TBC1D32: variants seen among roughly 807,000 people sequenced by gnomAD.
TBC1D32 encodes the protein TBC1 domain family member 32, also known as protein broad-minded.
In TBC1D32, 151 loss-of-function variants were observed where a neutral mutation model predicts 170.3. That is an observed-to-expected ratio of 0.89 (90% CI 0.78 to 1.01). The LOEUF is 1.01. TBC1D32 is among the 50% of genes least tolerant of loss of function. TBC1D32 has a pLI of 0.00. For missense variants in TBC1D32, 1,464 were observed against 1,457.1 expected (o/e 1.00, Z -0.08); for synonymous variants, 498 against 488.0 (o/e 1.02, Z -0.27).
intron 22 of TBC1D32, among the ~76,000 whole-genome samples, chr6:121,182,335 A>G (rs1788635282): frequency 6.6e-6 from 1 of 152,146 alleles, no homozygotes; most frequent in East Asian, 1.9e-4. Flanking sequence ...GTGTTATGCT[A>G]GGGTAGGTAA....
intron 26 of TBC1D32, among the ~76,000 whole-genome samples, chr6:121,125,897 C>A (rs1780784312): frequency 6.6e-6 from 1 of 152,172 alleles, no homozygotes; most frequent in African/African-American, 2.4e-5. Context: ...CACACCGACC[C>A]AGACAAATGC....
At chr6:121,120,506 T>C (rs939650865) in intron 26 of TBC1D32, among the ~76,000 whole-genome samples, 4 of 152,052 alleles carry the variant, frequency 2.6e-5, no homozygotes, top group Admixed American at 1.3e-4. Context: ...TCATGCAAAT[T>C]TCCATGACTA....
intron 13 of TBC1D32, among the ~76,000 whole-genome samples, chr6:121,282,708 A>G (rs1201483697): frequency 6.6e-6 from 1 of 151,818 alleles, no homozygotes; most frequent in African/African-American, 2.4e-5. Flanking sequence ...ACACTGTACT[A>G]GGAACTAACT....
At chr6:121,179,842 T>C (rs1322213769) in intron 22 of TBC1D32, among the ~76,000 whole-genome samples, 1 of 152,098 alleles carries the variant, frequency 6.6e-6, no homozygotes, top group Non-Finnish European at 1.5e-5. Context: ...TCATGAAAAC[T>C]TGGTAAGAAA....
At chr6:121,171,007 C>G (rs1039148168) in intron 22 of TBC1D32, among the ~76,000 whole-genome samples, 1 of 151,946 alleles carries the variant, frequency 6.6e-6, no homozygotes, top group African/African-American at 2.4e-5. Flanking sequence ...GCCCACTTAT[C>G]TATCTTAATA....
At chr6:121,275,423 G>C (rs1013580790) in intron 15 of TBC1D32, among the ~76,000 whole-genome samples, 1 of 152,030 alleles carries the variant, frequency 6.6e-6, no homozygotes. Context: ...CAAATGATAT[G>C]GAAAGGAACA....
Position 121,295,289 on chromosome 6 carries a change from C to CAAAAAAAAAAA in TBC1D32, c.1141-640_1141-630dup, listed in dbSNP as rs60783883. Among the ~76,000 whole-genome samples, 4 of 108,576 alleles carry CAAAAAAAAAAA rather than the reference C, an allele frequency of 3.7e-5. 1 individual carries two copies. Among genetic ancestry groups the CAAAAAAAAAAA allele is most frequent in the Non-Finnish European group, 7.1e-5 (4 of 56,622 alleles). 71.2% of individuals were successfully genotyped at this position (108,576 alleles called of 152,430 possible). On this transcript the variant is annotated intron_variant, in intron 10 of 31. Coordinates refer to ENST00000398212, the MANE Select transcript of TBC1D32 (RefSeq NM_152730.6). ...CATCGATGGCCTCTTATCCTAATTC[C>CAAAAAAAAAAA]AAAAAAAAAAAAAAAAAAGCCACCA...
rs543534733 is a variant in TBC1D32 at position 121,203,848 on chromosome 6, T to C, written c.2570+1227A>G. On this transcript the variant is annotated intron_variant, in intron 22 of 31. Transcript: ENST00000398212. ...CATTTGGATATTATGAGAAAGCACA[T>C]ACTATGAAAATTAATGTATGTTATT... Among the ~76,000 whole-genome samples, 8 of 151,378 alleles carry C rather than the reference T, an allele frequency of 5.3e-5. No homozygotes were observed. In the South Asian group the frequency reaches 1.7e-3, roughly 31 times the overall value.
chr6:121,113,102 T>A lies in TBC1D32; in HGVS notation c.3129A>T (p.Arg1043Ser). 2 of 1,611,392 alleles carry A rather than the reference T, an allele frequency of 1.2e-6. No homozygotes were observed. Among genetic ancestry groups the A allele is most frequent in the Non-Finnish European group, 1.7e-6 (2 of 1,178,936 alleles). Residue 1043 changes from arginine (R) to serine (S), a missense_variant, in exon 28 of 32, where the codon AGA becomes AGT. By Grantham distance (110) the Arg-to-Ser change is moderately radical. Transcript: ENST00000398212. ...DLTWVLKHCERFLKQQQTSIK... is the reference protein window; with the variant it reads ...DLTWVLKHCESFLKQQQTSIK... ...TGGAAGTTTGCTGCTGTTTCAGGAA[T>A]CTCTCACAATGCTTTAAAACCCAGG...
chr6:121,120,686 C>T (rs1780166960), intron 26 of TBC1D32, among the ~76,000 whole-genome samples: 1 of 151,994 alleles, frequency 6.6e-6, no homozygotes, highest in South Asian at 2.1e-4. Context: ...TCAATTTCCT[C>T]ATTTTAAATA....
chr6:121,210,826 A>G (rs1792935975), intron 21 of TBC1D32, among the ~76,000 whole-genome samples: 1 of 152,240 alleles, frequency 6.6e-6, no homozygotes, highest in African/African-American at 2.4e-5. Context: ...ACAACAGGAC[A>G]AAGACCCGAG....
intron 1 of TBC1D32, among the ~76,000 whole-genome samples, chr6:121,323,233 C>A (rs1284830266): frequency 6.6e-6 from 1 of 152,038 alleles, no homozygotes; most frequent in Non-Finnish European, 1.5e-5. Context: ...TCCCTTTTTT[C>A]TCTATCAATC....
At position 121,082,119 on chromosome 6, in the gene TBC1D32, C is replaced by T. The variant is rs182218944; in HGVS notation, c.3655-1229G>A. ...TTCACTCATTCATTCTCTTATTATACGTAAGGTTCTTGATTAGCACTGAAG... is the reference window on the plus strand; with the variant it reads ...TTCACTCATTCATTCTCTTATTATATGTAAGGTTCTTGATTAGCACTGAAG... On this transcript the variant is annotated intron_variant, in intron 31 of 31. Transcript: ENST00000398212. Among the ~76,000 whole-genome samples, 19 of 152,056 alleles carry T rather than the reference C, an allele frequency of 1.2e-4. 1 individual carries two copies. Among genetic ancestry groups the T allele is most frequent in the African/African-American group, 4.1e-4 (17 of 41,506 alleles).
intron 3 of TBC1D32, among the ~76,000 whole-genome samples, chr6:121,311,086 A>T (rs939550637): frequency 1.3e-5 from 2 of 152,232 alleles, no homozygotes; most frequent in Non-Finnish European, 2.9e-5. Context: ...CCAAGCAATT[A>T]AAGTATATAT....
At chr6:121,324,365 T>A (rs771078761) in intron 1 of TBC1D32, among the ~76,000 whole-genome samples, 4 of 152,178 alleles carry the variant, frequency 2.6e-5, no homozygotes, top group Admixed American at 6.5e-5. Flanking sequence ...AATTATTGAT[T>A]GAATTTTCTT....
At chr6:121,138,668 G>T (rs1278108723) in intron 24 of TBC1D32, among the ~76,000 whole-genome samples, 1 of 151,910 alleles carries the variant, frequency 6.6e-6, no homozygotes, top group Non-Finnish European at 1.5e-5. Flanking sequence ...AAAGAAAAAA[G>T]CATGAGAAAA....
intron 24 of TBC1D32, among the ~76,000 whole-genome samples, chr6:121,158,706 G>A (rs1220979810): frequency 6.6e-6 from 1 of 152,122 alleles, no homozygotes; most frequent in Non-Finnish European, 1.5e-5. Flanking sequence ...CTTTATTTGT[G>A]GCTGAATTTT....
chr6:121,191,334 A>G (rs908568921), intron 22 of TBC1D32, among the ~76,000 whole-genome samples: 6 of 152,218 alleles, frequency 3.9e-5, no homozygotes, highest in Admixed American at 6.5e-5. Flanking sequence ...TCTGTCTGCT[A>G]TCAAAATCAA....
At chr6:121,226,124 T>C (rs925757570) in intron 20 of TBC1D32, among the ~76,000 whole-genome samples, 9 of 152,188 alleles carry the variant, frequency 5.9e-5, no homozygotes, top group African/African-American at 1.9e-4. Context: ...TTCTATTCAC[T>C]TATTCACTAA....
Sources: gnomAD v4.1 joint callset for allele counts (sites outside exome capture counted in the v4.1 genomes callset) on GRCh38, gnomAD v4.1.1 for gene constraint, MANE v1.5 for transcripts, NCBI Gene and HGNC (gene_info 2026-07-23, HGNC 2026-07-21) for gene names.